CNTN5: variants seen among roughly 807,000 people sequenced by gnomAD.
The protein encoded by CNTN5 is contactin 5.
CNTN5 carries 77 observed loss-of-function variants against 129.1 expected under a neutral mutation model. The observed-to-expected ratio is 0.60, with a 90% CI of 0.50 to 0.72. The LOEUF (loss-of-function observed/expected upper bound fraction) is 0.72, where lower values mean the gene tolerates loss of function less well. CNTN5 is among the 30% of genes least tolerant of loss of function. The pLI is 0.00. For synonymous variants in CNTN5, 509 were observed against 465.6 expected, an observed-to-expected ratio of 1.09 and a Z score of -1.20; for missense variants, 1,478 against 1,328.8, an observed-to-expected ratio of 1.11 and a Z score of -1.75.
chr11:99,434,622 T>A (rs1289037417), intron 2 of CNTN5, among the ~76,000 whole-genome samples: 1 of 152,178 alleles, frequency 6.6e-6, no homozygotes, highest in African/African-American at 2.4e-5. Flanking sequence ...ACACAGCTTC[T>A]CAAATCAGAG....
intron 1 of CNTN5, among the ~76,000 whole-genome samples, chr11:99,101,407 C>A (rs1444470332): frequency 2.0e-5 from 3 of 152,184 alleles, no homozygotes; most frequent in Non-Finnish European, 4.4e-5. Context: ...CTCATTTCAG[C>A]ATTAACTCAA....
chr11:99,287,062 AT>A (rs1226465816), intron 1 of CNTN5, among the ~76,000 whole-genome samples: 8 of 152,184 alleles, frequency 5.3e-5, no homozygotes, highest in Non-Finnish European at 1.0e-4. Flanking sequence ...GGGAAACATG[AT>A]AACTGCCTTT....
At chr11:99,642,878 C>G (rs1951821128) in intron 3 of CNTN5, among the ~76,000 whole-genome samples, 1 of 152,138 alleles carries the variant, frequency 6.6e-6, no homozygotes, top group African/African-American at 2.4e-5. Flanking sequence ...ATTTCACTTA[C>G]CATAATGTCC....
chr11:99,329,416 T>C (rs2136020718), intron 2 of CNTN5, among the ~76,000 whole-genome samples: 1 of 152,326 alleles, frequency 6.6e-6, no homozygotes, highest in South Asian at 2.1e-4. Context: ...AGAGGAAATA[T>C]TTATTTTCTG....
At chr11:99,106,908 T>A (rs887341708) in intron 1 of CNTN5, among the ~76,000 whole-genome samples, 5 of 152,032 alleles carry the variant, frequency 3.3e-5, no homozygotes, top group Admixed American at 2.0e-4. Context: ...AACCACAATA[T>A]CATATACATC....
rs537844637 is a variant in CNTN5 at position 99,120,742 on chromosome 11, G to T, written c.-210+99472G>T. Among the ~76,000 whole-genome samples the T allele has an allele frequency of 2.4e-4, 37 of 152,142 alleles. No individual in the cohort carries two copies. In the South Asian group the frequency reaches 5.6e-3, roughly 23 times the overall value. ...TCATCAAGGGTCAGGTGAGTATATT[G>T]TATATTTTTAATTGCATAGTTCGAG... On this transcript the variant is annotated intron_variant, in intron 1 of 24. Coordinates refer to ENST00000524871, the MANE Select transcript of CNTN5 (RefSeq NM_014361.4).
intron 3 of CNTN5, among the ~76,000 whole-genome samples, chr11:99,718,957 C>A (rs1943075844): frequency 6.6e-6 from 1 of 151,972 alleles, no homozygotes; most frequent in Non-Finnish European, 1.5e-5. Flanking sequence ...ATAGAAAGGG[C>A]TTTTATATTC....
intron 1 of CNTN5, among the ~76,000 whole-genome samples, chr11:99,142,701 A>T (rs1255111922): frequency 6.6e-6 from 1 of 152,154 alleles, no homozygotes; most frequent in Non-Finnish European, 1.5e-5. Flanking sequence ...TTGGGGGATA[A>T]GCATCCCTGG....
At chr11:99,717,187 G>C (rs920577582) in intron 3 of CNTN5, among the ~76,000 whole-genome samples, 6 of 151,970 alleles carry the variant, frequency 3.9e-5, no homozygotes, top group Admixed American at 2.0e-4. Flanking sequence ...CAAACCTGTA[G>C]TATTTGTAGT....
intron 1 of CNTN5, among the ~76,000 whole-genome samples, chr11:99,230,356 T>A (rs1035296865): frequency 3.3e-5 from 5 of 152,160 alleles, no homozygotes; most frequent in Admixed American, 6.6e-5. Flanking sequence ...AATCTGACCT[T>A]TTGATTTTTG....
At chr11:99,051,298 T>C (rs1220940765) in intron 1 of CNTN5, among the ~76,000 whole-genome samples, 2 of 151,944 alleles carry the variant, frequency 1.3e-5, no homozygotes, top group East Asian at 1.9e-4. Context: ...ATCAGTTTAG[T>C]TGGTCCCAAA....
At chr11:99,390,673 G>C (rs1402423797) in intron 2 of CNTN5, among the ~76,000 whole-genome samples, 1 of 152,014 alleles carries the variant, frequency 6.6e-6, no homozygotes, top group African/African-American at 2.4e-5. Context: ...AAATTTTCCT[G>C]TGTTATTCGT....
intron 13 of CNTN5, among the ~76,000 whole-genome samples, chr11:100,177,977 C>T (rs1948023324): frequency 6.6e-6 from 1 of 152,094 alleles, no homozygotes; most frequent in South Asian, 2.1e-4. Context: ...GTTCTCATTT[C>T]AAAGGAGCGA....
intron 1 of CNTN5, among the ~76,000 whole-genome samples, chr11:99,130,081 T>C (rs560233156): frequency 6.6e-6 from 1 of 152,160 alleles, no homozygotes; most frequent in Non-Finnish European, 1.5e-5. Flanking sequence ...CCAGCCAACA[T>C]TATGATGACA....
chr11:99,758,789 G>C (rs552056591), intron 3 of CNTN5, among the ~76,000 whole-genome samples: 1 of 152,088 alleles, frequency 6.6e-6, no homozygotes, highest in Admixed American at 6.6e-5. Flanking sequence ...GTGAGAAAAT[G>C]CACAGGAGCA....
rs150499699 is a variant in CNTN5, at chr11:100,212,401, A to G, written c.1885-12291A>G. Among the ~76,000 whole-genome samples the G allele has an allele frequency of 1.2e-3, 178 of 152,280 alleles. 1 individual carries two copies. The Middle Eastern group carries it at 0.014, about 12-fold the overall frequency. On this transcript the variant is annotated intron_variant, in intron 15 of 24. Transcript: ENST00000524871. ...TCTTTAAACATCTGTATCTTTGTAT[A>G]TCAACAATTTCCTTTCTGTGGGACA... is the stretch of plus-strand genomic sequence containing the variant.
At chr11:99,752,585 TACTA>T (rs1021813558) in intron 3 of CNTN5, among the ~76,000 whole-genome samples, 6 of 152,314 alleles carry the variant, frequency 3.9e-5, no homozygotes, top group East Asian at 3.9e-4. Context: ...GTTCTTGACT[TACTA>T]ACTATATTCA....
At chr11:99,984,008 C>A (rs1341285257) in intron 8 of CNTN5, among the ~76,000 whole-genome samples, 3 of 152,114 alleles carry the variant, frequency 2.0e-5, no homozygotes, top group Admixed American at 2.0e-4. Context: ...GTGGCGACAC[C>A]TGTTACCCCA....
At chr11:100,332,213 A>T (rs901967507) in intron 21 of CNTN5, among the ~76,000 whole-genome samples, 1 of 152,236 alleles carries the variant, frequency 6.6e-6, no homozygotes, top group East Asian at 1.9e-4. Flanking sequence ...ACACCTTTAC[A>T]TGCATAAACT....
Sources: allele counts gnomAD v4.1 joint callset (sites outside exome capture counted in the v4.1 genomes callset), GRCh38; gene constraint gnomAD v4.1.1; transcripts MANE v1.5; gene names NCBI Gene and HGNC (gene_info 2026-07-23, HGNC 2026-07-21).